Variants in PRKN observed in about 807,000 individuals in gnomAD.
PRKN encodes the protein E3 ubiquitin-protein ligase parkin.
PRKN carries 56 observed loss-of-function variants against 59.5 expected under a neutral mutation model. The observed-to-expected ratio is 0.94, with a 90% CI of 0.76 to 1.18. The LOEUF (loss-of-function observed/expected upper bound fraction) is 1.18. Among genes scored for constraint, PRKN ranks in the 50% most tolerant of loss-of-function variants. PRKN has a pLI of 0.00. For synonymous variants in PRKN, 250 were observed against 222.1 expected (o/e 1.13, Z -1.12); for missense variants, 657 against 596.4 (o/e 1.10, Z -1.06).
At chr6:162,414,893 T>A (rs1788549638) in intron 2 of PRKN, among the ~76,000 whole-genome samples, 1 of 152,102 alleles carries the variant, frequency 6.6e-6, no homozygotes, top group African/African-American at 2.4e-5. Flanking sequence ...TTTCTATCAC[T>A]GGAGGCACTG....
intron 1 of PRKN, among the ~76,000 whole-genome samples, chr6:162,487,945 AT>A (rs1214548160): frequency 6.6e-6 from 1 of 151,764 alleles, no homozygotes; most frequent in Non-Finnish European, 1.5e-5. Flanking sequence ...AATTAAAATA[AT>A]GGGTATTTTA....
At chr6:162,604,022 A>C (rs1234967963) in intron 1 of PRKN, among the ~76,000 whole-genome samples, 2 of 152,154 alleles carry the variant, frequency 1.3e-5, no homozygotes, top group Non-Finnish European at 2.9e-5. Context: ...AGAGTTATTA[A>C]CCAAGTCAAC....
intron 5 of PRKN, among the ~76,000 whole-genome samples, chr6:162,032,594 T>C (rs1158068726): frequency 6.6e-6 from 1 of 152,088 alleles, no homozygotes; most frequent in African/African-American, 2.4e-5. Context: ...TCATTCCTTC[T>C]CCTTGAAAAT....
At chr6:162,651,551 G>A (rs1185687160) in intron 1 of PRKN, among the ~76,000 whole-genome samples, 12 of 152,136 alleles carry the variant, frequency 7.9e-5, no homozygotes, top group Admixed American at 7.9e-4. Flanking sequence ...TACCGAATTG[G>A]TAATTATTTC....
At chr6:162,642,511 A>G (rs1034776444) in intron 1 of PRKN, among the ~76,000 whole-genome samples, 1 of 152,048 alleles carries the variant, frequency 6.6e-6, no homozygotes, top group African/African-American at 2.4e-5. Flanking sequence ...CTGTTATAAA[A>G]TCATTGGTCA....
At chr6:162,478,439 A>G (rs2128181210) in intron 1 of PRKN, among the ~76,000 whole-genome samples, 1 of 152,220 alleles carries the variant, frequency 6.6e-6, no homozygotes, top group Middle Eastern at 3.4e-3. Flanking sequence ...CCCTTCACAA[A>G]ACATCTAACA....
At chr6:162,330,046 T>C (rs1225706113) in intron 2 of PRKN, among the ~76,000 whole-genome samples, 1 of 152,160 alleles carries the variant, frequency 6.6e-6, no homozygotes, top group Non-Finnish European at 1.5e-5. Context: ...TAGCTCTACG[T>C]CTTAGAAAGT....
intron 6 of PRKN, among the ~76,000 whole-genome samples, chr6:161,970,871 A>T: frequency 6.6e-6 from 1 of 152,250 alleles, no homozygotes; most frequent in East Asian, 1.9e-4. Flanking sequence ...ATTGTGAATT[A>T]TTTCTAAATT....
chr6:162,378,155 C>A lies in PRKN; in HGVS notation c.171+65155G>T, dbSNP rs1339414961. The stretch of plus-strand genomic sequence containing the variant: ...GACCATCTATCTGGAGTTCTTTTCT[C>A]CCCTTTCTTTCTATGTGTAGAATAA... On this transcript the variant is annotated intron_variant, in intron 2 of 11. Coordinates refer to ENST00000366898, the MANE Select transcript of PRKN (RefSeq NM_004562.3). Among the ~76,000 whole-genome samples the A allele has an allele frequency of 2.0e-5, 3 of 152,162 alleles. No homozygotes were observed. In the East Asian group the frequency reaches 5.8e-4, roughly 29 times the overall value.
At chr6:162,067,283 C>G (rs1377190388) in intron 4 of PRKN, among the ~76,000 whole-genome samples, 1 of 152,118 alleles carries the variant, frequency 6.6e-6, no homozygotes, top group African/African-American at 2.4e-5. Context: ...TATTCACTGT[C>G]AAATCCAATG....
At chr6:162,166,573 T>C (rs564589401) in intron 4 of PRKN, among the ~76,000 whole-genome samples, 18 of 152,340 alleles carry the variant, frequency 1.2e-4, no homozygotes, top group African/African-American at 4.3e-4. Flanking sequence ...ATGGTGTTCA[T>C]GTTGAAGTAT....
At chr6:162,123,452 A>G (rs1433696448) in intron 4 of PRKN, among the ~76,000 whole-genome samples, 1 of 152,238 alleles carries the variant, frequency 6.6e-6, no homozygotes, top group South Asian at 2.1e-4. Flanking sequence ...AGGTATGTAT[A>G]TGGTAACTAA....
At position 162,183,841 on chromosome 6, in the gene PRKN, C is replaced by A. The variant is rs191878669; in HGVS notation, c.534+17290G>T. 1.2e-4 allele frequency among the ~76,000 whole-genome samples: 19 copies of A among 152,310 alleles called. No homozygotes were observed. The East Asian group carries it at 2.5e-3, about 20-fold the overall frequency. On this transcript the variant is annotated intron_variant, in intron 4 of 11. Transcript: ENST00000366898. ...CAATAGCCAAGTAACTTTTTTCCAGCTCTTTCTTCCTAGTTTTAGAAAAAT... is the reference window on the plus strand; with the variant it reads ...CAATAGCCAAGTAACTTTTTTCCAGATCTTTCTTCCTAGTTTTAGAAAAAT...
intron 1 of PRKN, among the ~76,000 whole-genome samples, chr6:162,559,130 G>A (rs928191313): frequency 6.5e-5 from 8 of 122,720 alleles, no homozygotes; most frequent in African/African-American, 2.3e-4. Flanking sequence ...CTGCCTGGGC[G>A]ACAGAGCAAG....
At chr6:162,084,935 T>A (rs961040288) in intron 4 of PRKN, among the ~76,000 whole-genome samples, 3 of 151,838 alleles carry the variant, frequency 2.0e-5, no homozygotes, top group Middle Eastern at 3.4e-3. Flanking sequence ...TGAACTTCAT[T>A]TAGTGTGAAG....
intron 2 of PRKN, among the ~76,000 whole-genome samples, chr6:162,338,231 T>G (rs972361438): frequency 6.6e-6 from 1 of 152,048 alleles, no homozygotes; most frequent in Non-Finnish European, 1.5e-5. Context: ...AGAAGTAGTC[T>G]CTGAAAAAGA....
chr6:161,770,412 C>T (rs1464689429), intron 7 of PRKN, among the ~76,000 whole-genome samples: 1 of 152,054 alleles, frequency 6.6e-6, no homozygotes, highest in Non-Finnish European at 1.5e-5. Context: ...GAAGTTCTAA[C>T]CCCAGTTCCT....
intron 6 of PRKN, among the ~76,000 whole-genome samples, chr6:161,842,640 C>A (rs1390159233): frequency 6.6e-6 from 1 of 151,964 alleles, no homozygotes; most frequent in South Asian, 2.1e-4. Context: ...TCTCAGCTCA[C>A]TGCAACCACC....
At chr6:161,839,078 AC>A (rs1792878513) in intron 6 of PRKN, among the ~76,000 whole-genome samples, 1 of 151,958 alleles carries the variant, frequency 6.6e-6, no homozygotes, top group South Asian at 2.1e-4. Flanking sequence ...CCAGAAAGAA[AC>A]AGAGAGGGGA....
Sources: allele counts gnomAD v4.1 joint callset (sites outside exome capture counted in the v4.1 genomes callset), GRCh38; gene constraint gnomAD v4.1.1; transcripts MANE v1.5; gene names NCBI Gene and HGNC (gene_info 2026-07-23, HGNC 2026-07-21).